Variants in VPS51 observed in about 807,000 individuals in gnomAD.
The protein encoded by VPS51 is vacuolar protein sorting-associated protein 51 homolog.
Under a neutral mutation model 65.1 loss-of-function variants are expected in VPS51, and 55 were observed. The observed-to-expected ratio is 0.84, with a 90% CI of 0.68 to 1.06. The LOEUF is 1.06. Among genes scored for constraint, VPS51 ranks in the 50% least tolerant of loss-of-function variants. VPS51 has a pLI of 0.00. For synonymous variants in VPS51, 473 were observed against 489.5 expected (o/e 0.97, Z 0.44); for missense variants, 943 against 1,101.6 (o/e 0.86, Z 2.04).
Position 65,108,257 on chromosome 11 carries a change from C to T in VPS51, c.786C>T (p.Gly262=), listed in dbSNP as rs369451466. The T allele has an allele frequency of 1.2e-4, 199 of 1,597,580 alleles. No homozygotes were observed. In the South Asian group the frequency reaches 1.4e-3, roughly 11 times the overall value. The change falls in exon 5 of 10, where the codon GGC becomes GGT. Residue 262 remains glycine, a synonymous_variant. Transcript: ENST00000279281. Reference sequence around the variant, plus strand: ...GCGTGGAGCTGCTGCTGGCCCTGGGCGAGCCTGCGGAGGAGCTGTGCGAGG... The same window carrying T: ...GCGTGGAGCTGCTGCTGGCCCTGGGTGAGCCTGCGGAGGAGCTGTGCGAGG... The part of the protein sequence containing the change: ...AECVELLLAL[G]EPAEELCEEF...
intron 2 of VPS51, among the ~76,000 whole-genome samples, chr11:65,098,422 C>T (rs1947785493): frequency 6.6e-6 from 1 of 152,052 alleles, no homozygotes; most frequent in Non-Finnish European, 1.5e-5. Context: ...TCTCTAGTGC[C>T]AGACAGTGTT....
intron 2 of VPS51, among the ~76,000 whole-genome samples, chr11:65,103,784 A>G (rs566074962): frequency 5.3e-5 from 8 of 152,060 alleles, no homozygotes; most frequent in African/African-American, 1.9e-4. Context: ...GTAAATGCTG[A>G]TCAGTTTGCA....
chr11:65,111,394 C>T lies in VPS51; in HGVS notation c.2156C>T (p.Thr719Ile), dbSNP rs1233210440. ...KTLLECVRLR[T>I]FGRFGLQQVQ... ...CTGCTGGAGTGTGTGCGGCTGCGCACCTTTGGGCGCTTCGGGCTGCAGCAG... is the reference window on the plus strand; with the variant it reads ...CTGCTGGAGTGTGTGCGGCTGCGCATCTTTGGGCGCTTCGGGCTGCAGCAG... The change falls in exon 10 of 10, where the codon ACC (threonine) becomes ATC (isoleucine). Residue 719 changes from threonine (T) to isoleucine (I), a missense_variant. Thr to Ile is a moderately conservative substitution (Grantham distance 89). Transcript: ENST00000279281. 2 of 1,612,972 alleles carry T rather than the reference C, an allele frequency of 1.2e-6. No homozygotes were observed. Among genetic ancestry groups the T allele is most frequent in the Non-Finnish European group, 1.7e-6 (2 of 1,180,032 alleles).
intron 2 of VPS51, among the ~76,000 whole-genome samples, chr11:65,099,013 C>T (rs1292895321): frequency 6.6e-6 from 1 of 152,028 alleles, no homozygotes; most frequent in African/African-American, 2.4e-5. Context: ...CATGGTGAAA[C>T]CCTGTCTCTA....
chr11:65,097,690 A>C (rs1208250137), intron 2 of VPS51, among the ~76,000 whole-genome samples: 1 of 152,004 alleles, frequency 6.6e-6, no homozygotes, highest in Non-Finnish European at 1.5e-5. Context: ...ATCTCTACAA[A>C]AAAATAAAAA....
At position 65,109,235 on chromosome 11, in the gene VPS51, C is replaced by G. The variant is rs997907442; in HGVS notation, c.1444-45C>G. The G allele has an allele frequency of 2.5e-6, 4 of 1,586,282 alleles. No homozygotes were observed. The East Asian group carries it at 6.7e-5, about 27-fold the overall frequency. On this transcript the variant is annotated intron_variant, in intron 5 of 9. Coordinates refer to ENST00000279281, the MANE Select transcript of VPS51 (RefSeq NM_013265.4). The stretch of plus-strand genomic sequence containing the variant: ...AGCAGAGGGTCATTAACAGCCTTAC[C>G]TGGAAGAGGGGACCTGCTGTGGACC...
intron 7 of VPS51, 133 bp downstream of exon 7, chr11:65,110,056 G>A (rs1043334211): frequency 3.2e-5 from 33 of 1,021,812 alleles, no homozygotes; most frequent in Middle Eastern, 6.3e-4. Context: ...GGCTTCTCAC[G>A]GGGCCAGTTC....
chr11:65,109,708 C>G lies in VPS51; in HGVS notation c.1663C>G (p.Gln555Glu). 1.3e-6 allele frequency: 2 copies of G among 1,565,544 alleles called. No individual in the cohort carries two copies. Among genetic ancestry groups the G allele is most frequent in the Non-Finnish European group, 1.7e-6 (2 of 1,154,562 alleles). The stretch of plus-strand genomic sequence containing the variant: ...GTCCTCTGCCTCCTTGGCTCAGGAT[C>G]AGTTCCCAGTGACGCCCGTGAGCAC... ...LTDEQFLVQD[Q>E]FPVTPVSTLC... Residue 555 changes from glutamine to glutamate, a missense_variant, in exon 7 of 10, where the codon CAG becomes GAG. Coordinates refer to ENST00000279281, the MANE Select transcript of VPS51 (RefSeq NM_013265.4).
chr11:65,096,442 C>A lies in VPS51; in HGVS notation c.192C>A (p.Asn64Lys). The A allele has an allele frequency of 7.2e-7, 1 of 1,394,204 alleles. No homozygotes were observed. Among genetic ancestry groups the A allele is most frequent in the East Asian group, 4.3e-5 (1 of 23,090 alleles). 86.4% of individuals were successfully genotyped at this position (1,394,204 alleles called of 1,614,324 possible). The change falls in exon 1 of 10, where the codon AAC (asparagine) becomes AAA (lysine). Residue 64 changes from asparagine to lysine, a missense_variant. By Grantham distance (94) the Asn-to-Lys change is moderately conservative (BLOSUM62 0). Around this residue, in one of 2 missense-constraint regions of VPS51, gnomAD observed 855 missense variants for 953.7 expected, o/e 0.90. Transcript: ENST00000279281. ...GPDPLDPTDL[N>K]GAHFDPEVYL... The stretch of plus-strand genomic sequence containing the variant: ...ACCCCCTGGACCCGACTGATCTGAA[C>A]GGGGCGCACTTCGACCCGGAAGTTT...
At chr11:65,110,259 G>A in intron 7 of VPS51, 1 of 743,412 alleles carries the variant, frequency 1.3e-6, no homozygotes, top group Non-Finnish European at 2.2e-6. Flanking sequence ...GGTTGGTGCT[G>A]GTGCTGAAGA....
intron 9 of VPS51, 74 bp from the exon 10 acceptor site, chr11:65,111,253 C>G: frequency 6.3e-7 from 1 of 1,592,328 alleles, no homozygotes; most frequent in Middle Eastern, 1.7e-4. Flanking sequence ...TCTCCCGGGC[C>G]CCTGCTTGGA....
intron 2 of VPS51, among the ~76,000 whole-genome samples, chr11:65,099,111 C>T (rs1313545122): frequency 6.6e-6 from 1 of 152,090 alleles, no homozygotes; most frequent in Non-Finnish European, 1.5e-5. Flanking sequence ...TTGCTTGAAC[C>T]CAGGAGGTGG....
chr11:65,096,229 C>G lies in VPS51; in HGVS notation c.-22C>G. On this transcript the variant is annotated 5_prime_UTR_variant, in exon 1 of 10. Coordinates refer to ENST00000279281, the MANE Select transcript of VPS51 (RefSeq NM_013265.4). Reference sequence around the variant, plus strand: ...CGTCCCCTTCCTTTCCAGCCTCACGCCCGTGGGCTGCAGTTGGAACGATGG... The same window carrying G: ...CGTCCCCTTCCTTTCCAGCCTCACGGCCGTGGGCTGCAGTTGGAACGATGG... 6.6e-7 allele frequency: 1 copy of G among 1,526,068 alleles called. No homozygotes were observed. The highest frequency in any genetic ancestry group is 8.8e-7 in the Non-Finnish European group (1 of 1,138,110). The allele number at this position is 1,526,068 out of a possible 1,614,324, so 94.5% of individuals were successfully genotyped here.
At position 65,108,473 on chromosome 11, in the gene VPS51, C is replaced by T. The variant is rs1438414150; in HGVS notation, c.1002C>T (p.Ala334=). 10 of 1,608,672 alleles carry T rather than the reference C, an allele frequency of 6.2e-6. No individual in the cohort carries two copies. The highest frequency in any genetic ancestry group is 3.3e-5 in the Admixed American group (2 of 59,878). The part of the protein sequence containing the change: ...ELFAAQGPAG[A]EKLAAFARQL... Reference sequence around the variant, plus strand: ...TTGCGGCCCAGGGCCCAGCAGGTGCCGAGAAGCTGGCGGCCTTCGCCCGGC... The same window carrying T: ...TTGCGGCCCAGGGCCCAGCAGGTGCTGAGAAGCTGGCGGCCTTCGCCCGGC... Residue 334 remains alanine, a synonymous_variant, in exon 5 of 10, where the codon GCC becomes GCT. Transcript: ENST00000279281.
intron 2 of VPS51, among the ~76,000 whole-genome samples, chr11:65,103,924 T>C (rs1229554985): frequency 6.6e-6 from 1 of 151,888 alleles, no homozygotes; most frequent in East Asian, 1.9e-4. Context: ...TAGGGCTTTC[T>C]ATTTATTCAA....
At chr11:65,102,947 G>A (rs1947818560) in intron 2 of VPS51, among the ~76,000 whole-genome samples, 1 of 152,038 alleles carries the variant, frequency 6.6e-6, no homozygotes. Flanking sequence ...TTTGAGACCA[G>A]CCTGGGCAAC....
intron 7 of VPS51, chr11:65,110,257 C>T: frequency 1.4e-6 from 1 of 734,056 alleles, no homozygotes; most frequent in South Asian, 1.8e-5. Flanking sequence ...AGGGTTGGTG[C>T]TGGTGCTGAA....
chr11:65,108,507 A>C lies in VPS51; in HGVS notation c.1036A>C (p.Ser346Arg). Residue 346 changes from serine to arginine, a missense_variant, in exon 5 of 10, where the codon AGC becomes CGC. By Grantham distance (110) the Ser-to-Arg change is moderately radical. This residue lies in a region of VPS51 where 855 missense variants were observed against 953.7 expected (regional missense o/e 0.90). Coordinates refer to ENST00000279281, the MANE Select transcript of VPS51 (RefSeq NM_013265.4). ...KLAAFARQLG[S>R]RYFALVERRL... ...GGCGGCCTTCGCCCGGCAGCTGGGC[A>C]GCCGCTATTTTGCGCTGGTGGAGCG... 6.2e-7 allele frequency: 1 copy of C among 1,600,300 alleles called. No individual in the cohort carries two copies. The highest frequency in any genetic ancestry group is 8.5e-7 in the Non-Finnish European group (1 of 1,177,544).
chr11:65,098,637 A>G (rs1017945253), intron 2 of VPS51, among the ~76,000 whole-genome samples: 3 of 152,202 alleles, frequency 2.0e-5, no homozygotes, highest in Non-Finnish European at 4.4e-5. Context: ...GGTAACCTAT[A>G]CACATTGTTC....
Sources: gnomAD v4.1 joint callset for allele counts (sites outside exome capture counted in the v4.1 genomes callset) on GRCh38, gnomAD v4.1.1 for gene constraint, gnomAD v4.1.1 regional missense constraint, MANE v1.5 for transcripts, NCBI Gene and HGNC (gene_info 2026-07-23, HGNC 2026-07-21) for gene names.